PRR16: variants seen among roughly 807,000 people sequenced by gnomAD.
PRR16 encodes the protein protein Largen.
A neutral mutation model predicts 18.2 loss-of-function variants in PRR16; 6 were observed. The ratio of observed to expected loss-of-function variants is 0.33; its 90% CI spans 0.18 to 0.65. The LOEUF is 0.65. Ranked by LOEUF, PRR16 falls within the 30% of genes least tolerant of loss-of-function variation. The pLI is 0.74. For synonymous variants in PRR16, 151 were observed against 147.8 expected (o/e 1.02, Z -0.16); for missense variants, 412 against 376.6 (o/e 1.09, Z -0.78).
In PRR16 at chr5:120,585,903, C is replaced by T. The variant is rs529248410; in HGVS notation, c.160-100051C>T. On this transcript the variant is annotated intron_variant, in intron 1 of 1. Coordinates refer to ENST00000407149, the MANE Select transcript of PRR16 (RefSeq NM_001300783.2). ...CAAAAATGTATTTTTGGGCCGGGTG[C>T]GATGGCTCATGCTTGTAATCCCAGC... 1.1e-4 allele frequency among the ~76,000 whole-genome samples: 16 copies of T among 151,770 alleles called. No individual in the cohort carries two copies. The South Asian group carries it at 2.7e-3, about 26-fold the overall frequency.
At chr5:120,638,055 T>A (rs867056857) in intron 1 of PRR16, among the ~76,000 whole-genome samples, 5 of 152,168 alleles carry the variant, frequency 3.3e-5, no homozygotes, top group African/African-American at 1.2e-4. Context: ...ATTCTAAACA[T>A]GAAATTCATT....
the PRR16 span, among the ~76,000 whole-genome samples, chr5:120,742,277 T>TG: frequency 2.9e-5 from 2 of 68,502 alleles, no homozygotes; most frequent in East Asian, 5.7e-4. Context: ...TTGTTACTTG[T>TG]GGGTTTTTTT....
chr5:120,710,723 C>T, the PRR16 span: 1 of 152,074 alleles, frequency 6.6e-6, no homozygotes, highest in African/African-American at 2.4e-5. Context: ...TAAAAATTGC[C>T]AAAGTCGAAT....
the PRR16 span, among the ~76,000 whole-genome samples, chr5:120,694,567 C>G: frequency 1.3e-5 from 2 of 151,620 alleles, no homozygotes; most frequent in Non-Finnish European, 2.9e-5. Flanking sequence ...GCCTGTAGTC[C>G]CAGCTACTCG....
chr5:120,639,170 C>A (rs189766942), intron 1 of PRR16, among the ~76,000 whole-genome samples: 1 of 151,990 alleles, frequency 6.6e-6, no homozygotes, highest in Non-Finnish European at 1.5e-5. Flanking sequence ...TACCTATTTA[C>A]AGATATCAGA....
chr5:120,695,930 T>TGC, the PRR16 span, among the ~76,000 whole-genome samples: 1 of 19,380 alleles, frequency 5.2e-5, no homozygotes, highest in Admixed American at 1.3e-3. Context: ...CATATATATG[T>TGC]GTGTGTGTAT....
intron 1 of PRR16, among the ~76,000 whole-genome samples, chr5:120,587,242 T>C (rs1249241942): frequency 6.6e-6 from 1 of 152,146 alleles, no homozygotes; most frequent in East Asian, 1.9e-4. Flanking sequence ...AAAAGTGCAA[T>C]ATAAAGCAGC....
the PRR16 span, among the ~76,000 whole-genome samples, chr5:120,716,746 C>T: frequency 1.3e-5 from 2 of 152,084 alleles, no homozygotes; most frequent in African/African-American, 2.4e-5. Context: ...GTGGCGGGCG[C>T]TTATAATCCC....
chr5:120,775,345 C>G, the PRR16 span, among the ~76,000 whole-genome samples: 1 of 152,004 alleles, frequency 6.6e-6, no homozygotes, highest in African/African-American at 2.4e-5. Context: ...AGTCACTAGA[C>G]CAGAAACAAT....
chr5:120,538,186 C>A (rs77393368), intron 1 of PRR16, among the ~76,000 whole-genome samples: 7,526 of 152,262 alleles, frequency 0.049, 233 homozygotes, highest in East Asian at 0.1. Flanking sequence ...ATGTTGAATA[C>A]TTAATATTTA....
At chr5:120,765,878 A>G in the PRR16 span, among the ~76,000 whole-genome samples, 1 of 151,950 alleles carries the variant, frequency 6.6e-6, no homozygotes. Context: ...TTTATAACTA[A>G]CTTATTTTGA....
intron 1 of PRR16, among the ~76,000 whole-genome samples, chr5:120,545,280 A>T (rs1350606814): frequency 6.6e-6 from 1 of 152,148 alleles, no homozygotes; most frequent in Non-Finnish European, 1.5e-5. Flanking sequence ...TTCGTTAGAT[A>T]ATAATTATAC....
intron 1 of PRR16, among the ~76,000 whole-genome samples, chr5:120,529,652 G>T (rs1306698840): frequency 2.0e-5 from 3 of 152,076 alleles, no homozygotes; most frequent in African/African-American, 4.8e-5. Context: ...GCTTGATGAG[G>T]GGTGAAATAG....
chr5:120,614,201 T>C (rs909127168), intron 1 of PRR16, among the ~76,000 whole-genome samples: 1 of 152,192 alleles, frequency 6.6e-6, no homozygotes, highest in Non-Finnish European at 1.5e-5. Context: ...AACAAGGAAA[T>C]GTGGCAAGTT....
intron 1 of PRR16, among the ~76,000 whole-genome samples, chr5:120,678,988 A>G (rs1756890803): frequency 6.6e-6 from 1 of 152,196 alleles, no homozygotes; most frequent in Admixed American, 6.5e-5. Flanking sequence ...ATTTATCCAT[A>G]TGTGAAAATA....
chr5:120,653,299 T>TA lies in PRR16; in HGVS notation c.160-32644dup, dbSNP rs531294030. On this transcript the variant is annotated intron_variant, in intron 1 of 1. Transcript: ENST00000407149. ...GTCTGTATATATAATTCAATAAAAG[T>TA]AAAAAAAAAAAGTATTTTTTCACTG... 2.4e-3 allele frequency among the ~76,000 whole-genome samples: 339 copies of TA among 142,472 alleles called. 4 individuals carry two copies. The East Asian group carries it at 0.039, about 17-fold the overall frequency. 93.5% of individuals were successfully genotyped at this position (142,472 alleles called of 152,430 possible). A position where few individuals can be genotyped will look rare whatever the true frequency, so the allele number is the denominator to read the frequency against.
the PRR16 span, among the ~76,000 whole-genome samples, chr5:120,765,384 G>C: frequency 3.9e-5 from 6 of 152,048 alleles, no homozygotes; most frequent in African/African-American, 1.4e-4. Context: ...ATTTTGGACT[G>C]TGACAGTGGT....
At chr5:120,629,272 T>C (rs1210078501) in intron 1 of PRR16, among the ~76,000 whole-genome samples, 1 of 152,126 alleles carries the variant, frequency 6.6e-6, no homozygotes, top group African/African-American at 2.4e-5. Flanking sequence ...CATTTATTTA[T>C]GTATGTGTGC....
chr5:120,787,966 C>T, the PRR16 span, among the ~76,000 whole-genome samples: 1 of 150,590 alleles, frequency 6.6e-6, no homozygotes, highest in Non-Finnish European at 1.5e-5. Flanking sequence ...AGGTCTTACT[C>T]TCTCTCTTGC....
Sources: allele counts gnomAD v4.1 joint callset (sites outside exome capture counted in the v4.1 genomes callset), GRCh38; gene constraint gnomAD v4.1.1; transcripts MANE v1.5; gene names NCBI Gene and HGNC (gene_info 2026-07-23, HGNC 2026-07-21).